GTF2IRD1: variants seen among roughly 807,000 people sequenced by gnomAD.
GTF2IRD1 encodes the protein GTF2I repeat domain containing 1, also known as general transcription factor II-I repeat domain-containing protein 1.
GTF2IRD1 carries 26 observed loss-of-function variants against 113.2 expected under a neutral mutation model. That is an observed-to-expected ratio of 0.23 (90% CI 0.17 to 0.32). The LOEUF (loss-of-function observed/expected upper bound fraction) is 0.32, where lower values mean the gene tolerates loss of function less well. Among genes scored for constraint, GTF2IRD1 ranks in the 10% least tolerant of loss-of-function variants. GTF2IRD1 has a pLI of 1.00. For missense variants in GTF2IRD1, 864 were observed against 1,280.8 expected, an observed-to-expected ratio of 0.67 and a Z score of 4.97; for synonymous variants, 484 against 529.1, an observed-to-expected ratio of 0.91 and a Z score of 1.17.
chr7:74,561,859 C>T (rs587647364), intron 22 of GTF2IRD1, among the ~76,000 whole-genome samples: 8 of 152,236 alleles, frequency 5.3e-5, no homozygotes, highest in South Asian at 4.2e-4. Flanking sequence ...AGGAGGTTGA[C>T]GCTAGAGCCC....
chr7:74,490,115 C>T (rs1014343552), intron 1 of GTF2IRD1, among the ~76,000 whole-genome samples: 5 of 151,650 alleles, frequency 3.3e-5, no homozygotes, highest in Middle Eastern at 3.2e-3. Context: ...AACAGGCACG[C>T]ACCACCACAC....
chr7:74,601,340 G>T, intron 26 of GTF2IRD1, 160 bp downstream of exon 26: 1 of 1,534,638 alleles, frequency 6.5e-7, no homozygotes, highest in Non-Finnish European at 8.7e-7. Context: ...GCATCCACCT[G>T]TCTCACCCAA....
At chr7:74,589,732 G>C (rs1801940381) in intron 22 of GTF2IRD1, 119 bp from the exon 23 acceptor site, 1 of 627,646 alleles carries the variant, frequency 1.6e-6, no homozygotes, top group African/African-American at 1.9e-5. Context: ...ATATAGGAGT[G>C]GGTCGGCCCT....
intron 1 of GTF2IRD1, among the ~76,000 whole-genome samples, chr7:74,483,900 G>A (rs1794879643): frequency 6.6e-6 from 1 of 151,908 alleles, no homozygotes; most frequent in Middle Eastern, 3.2e-3. Context: ...TCATTTCTAA[G>A]TGGAGCAAAA....
chr7:74,477,347 GT>G (rs148428425), intron 1 of GTF2IRD1, among the ~76,000 whole-genome samples: 21,776 of 110,944 alleles, frequency 0.2, 2,060 homozygotes, highest in African/African-American at 0.32. Context: ...CTGGGCGACA[GT>G]TTTTTTTTTG....
intron 1 of GTF2IRD1, among the ~76,000 whole-genome samples, chr7:74,483,023 A>G (rs1241592697): frequency 1.3e-5 from 2 of 152,232 alleles, no homozygotes; most frequent in Non-Finnish European, 2.9e-5. Context: ...ATTTGCAATC[A>G]GCGTAGCTGT....
At position 74,555,979 on chromosome 7, in the gene GTF2IRD1, G is replaced by T. The variant is rs1458176834; in HGVS notation, c.2023+485G>T. Among the ~76,000 whole-genome samples the T allele has an allele frequency of 1.3e-5, 2 of 152,154 alleles. No homozygotes were observed. The highest frequency in any genetic ancestry group is 2.9e-5 in the Non-Finnish European group (2 of 68,034). ...GAAAAGAAATCAGAGGCCGAGTGCA[G>T]TGGCTCACGCCTGTAATCCCAGCAC... is the stretch of plus-strand genomic sequence containing the variant. On this transcript the variant is annotated intron_variant, in intron 19 of 26. Coordinates refer to ENST00000424337, the MANE Select transcript of GTF2IRD1 (RefSeq NM_005685.4). The surrounding 1 kb of genome is among the most constrained non-coding windows in gnomAD (Gnocchi z 5.3).
At chr7:74,585,966 C>G (rs1165380377) in intron 22 of GTF2IRD1, among the ~76,000 whole-genome samples, 2 of 151,958 alleles carry the variant, frequency 1.3e-5, no homozygotes, top group Non-Finnish European at 2.9e-5. Flanking sequence ...GTGGAAAGAC[C>G]AGGGCTTTGG....
chr7:74,543,872 C>CAAA (rs782039486), intron 14 of GTF2IRD1, among the ~76,000 whole-genome samples: 803 of 30,882 alleles, frequency 0.026, 1 homozygote, highest in Non-Finnish European at 0.039. Flanking sequence ...CCCATCTCTA[C>CAAA]AAAAAAAAAA....
intron 22 of GTF2IRD1, chr7:74,571,078 G>C (rs587597259): frequency 1.0e-6 from 1 of 984,808 alleles, no homozygotes; most frequent in East Asian, 1.1e-4. Context: ...CAGCTTGAGG[G>C]GACTGTGGGA....
intron 10 of GTF2IRD1, 133 bp from the exon 11 acceptor site, chr7:74,536,034 C>A: frequency 1.6e-6 from 1 of 606,480 alleles, no homozygotes; most frequent in African/African-American, 1.9e-5. Context: ...GACGTGGCGC[C>A]CACAAGGACA....
chr7:74,522,240 T>C (rs1400649443), intron 7 of GTF2IRD1, among the ~76,000 whole-genome samples: 1 of 148,182 alleles, frequency 6.7e-6, no homozygotes, highest in Admixed American at 6.6e-5. Flanking sequence ...GGCAGTGATA[T>C]ATTTAAAAAA....
chr7:74,599,510 C>T (rs1311580248), intron 25 of GTF2IRD1, among the ~76,000 whole-genome samples: 1 of 152,102 alleles, frequency 6.6e-6, no homozygotes, highest in African/African-American at 2.4e-5. Context: ...AGAGGTTCAT[C>T]AGTTTTCCCA....
At chr7:74,552,856 C>CAA in intron 17 of GTF2IRD1, among the ~76,000 whole-genome samples, 1 of 152,182 alleles carries the variant, frequency 6.6e-6, no homozygotes, top group South Asian at 2.1e-4. Context: ...TTTTTTGAGA[C>CAA]AGAGTCTCAC....
chr7:74,481,728 G>A (rs1366394841), intron 1 of GTF2IRD1, among the ~76,000 whole-genome samples: 1 of 152,146 alleles, frequency 6.6e-6, no homozygotes, highest in Non-Finnish European at 1.5e-5. Context: ...GTGTATCTGT[G>A]GATGTACCAA....
intron 1 of GTF2IRD1, among the ~76,000 whole-genome samples, chr7:74,487,235 G>A (rs1795080376): frequency 6.6e-6 from 1 of 151,966 alleles, no homozygotes; most frequent in South Asian, 2.1e-4. Flanking sequence ...ATGAGGTTTC[G>A]CCATGTTGGC....
At chr7:74,587,584 G>A (rs782554372) in intron 22 of GTF2IRD1, among the ~76,000 whole-genome samples, 28 of 152,008 alleles carry the variant, frequency 1.8e-4, no homozygotes, top group Non-Finnish European at 3.2e-4. Context: ...GAACCCGCCT[G>A]CCCCAAGAGG....
intron 17 of GTF2IRD1, among the ~76,000 whole-genome samples, chr7:74,554,208 C>A (rs1245499352): frequency 6.6e-6 from 1 of 152,166 alleles, no homozygotes; most frequent in African/African-American, 2.4e-5. Context: ...CCCTGCCATC[C>A]CCCGACAGCC....
At chr7:74,544,866 C>T (rs1289931705) in intron 15 of GTF2IRD1, 64 bp downstream of exon 15, 7 of 1,333,482 alleles carry the variant, frequency 5.2e-6, no homozygotes, top group Non-Finnish European at 7.4e-6. Flanking sequence ...TCCCCTGCCG[C>T]CCACCTCCCC....
Sources: gnomAD v4.1 joint callset for allele counts (sites outside exome capture counted in the v4.1 genomes callset) on GRCh38, gnomAD v4.1.1 for gene constraint, Gnocchi (gnomAD v3.1) non-coding constraint, MANE v1.5 for transcripts, NCBI Gene and HGNC (gene_info 2026-07-23, HGNC 2026-07-21) for gene names.